The following NRXN3 variants were observed in gnomAD, a reference collection of about 807,000 sequenced individuals.
NRXN3 encodes neurexin 3.
Under a neutral mutation model 137.6 loss-of-function variants are expected in NRXN3, and 32 were observed. The ratio of observed to expected loss-of-function variants is 0.23; its 90% CI spans 0.18 to 0.31. The LOEUF is 0.31. Among genes scored for constraint, NRXN3 ranks in the 10% least tolerant of loss-of-function variants. The pLI, the probability that NRXN3 is intolerant of heterozygous loss-of-function variation, is 1.00. For missense variants in NRXN3, 1,574 were observed against 2,062.5 expected (o/e 0.76, Z 4.59); for synonymous variants, 798 against 784.5 (o/e 1.02, Z -0.29).
rs773225643 is a variant in NRXN3, at chr14:78,526,366, C to G, written c.758-118754C>G. 4.6e-5 allele frequency among the ~76,000 whole-genome samples: 7 copies of G among 152,326 alleles called. No homozygotes were observed. In the East Asian group the frequency reaches 1.2e-3, roughly 25 times the overall value. ...AAACTTCAAATCTGCAAAGATAGCACTATAGCCAGCAGGCCTGGCTTTCTC... is the reference window on the plus strand; with the variant it reads ...AAACTTCAAATCTGCAAAGATAGCAGTATAGCCAGCAGGCCTGGCTTTCTC... On this transcript the variant is annotated intron_variant, in intron 4 of 20. Coordinates refer to ENST00000335750, the MANE Select transcript of NRXN3 (RefSeq NM_001330195.2).
intron 16 of NRXN3, among the ~76,000 whole-genome samples, chr14:79,524,063 A>G (rs201297947): frequency 6.6e-6 from 1 of 152,212 alleles, no homozygotes. Flanking sequence ...TAATGAGAAC[A>G]TCCTTGACAA....
At chr14:79,355,253 C>T (rs958708809) in intron 15 of NRXN3, among the ~76,000 whole-genome samples, 3 of 149,374 alleles carry the variant, frequency 2.0e-5, no homozygotes, top group African/African-American at 7.7e-5. Context: ...TTTTCTGTCC[C>T]CCACCCCCTT....
intron 15 of NRXN3, among the ~76,000 whole-genome samples, chr14:79,339,697 C>G (rs1319936653): frequency 6.6e-6 from 1 of 152,128 alleles, no homozygotes; most frequent in Non-Finnish European, 1.5e-5. Flanking sequence ...TGATTATAGC[C>G]AAGGTCTTTG....
chr14:79,365,446 G>A (rs1441753021), intron 15 of NRXN3, among the ~76,000 whole-genome samples: 1 of 152,032 alleles, frequency 6.6e-6, no homozygotes, highest in Non-Finnish European at 1.5e-5. Context: ...TTGGCCGGGC[G>A]CGGTGGCTCA....
intron 16 of NRXN3, among the ~76,000 whole-genome samples, chr14:79,604,308 C>T (rs1489741045): frequency 6.6e-6 from 1 of 152,088 alleles, no homozygotes; most frequent in Non-Finnish European, 1.5e-5. Context: ...GATCTCAGCT[C>T]ACTACAAACT....
intron 1 of NRXN3, among the ~76,000 whole-genome samples, chr14:78,211,627 G>T (rs1595944613): frequency 6.6e-6 from 1 of 152,250 alleles, no homozygotes; most frequent in South Asian, 2.1e-4. Flanking sequence ...TAATTAAAGT[G>T]CAGAAACTTT....
intron 8 of NRXN3, among the ~76,000 whole-genome samples, chr14:78,764,279 C>T (rs750352945): frequency 2.0e-4 from 31 of 152,248 alleles, no homozygotes; most frequent in Non-Finnish European, 3.4e-4. Context: ...TGCATGTTGC[C>T]GGCAGAAGTA....
At position 79,861,759 on chromosome 14, in the gene NRXN3, C is replaced by G; in HGVS notation, c.4511C>G (p.Ala1504Gly). The G allele has an allele frequency of 6.2e-7, 1 of 1,614,078 alleles. No individual in the cohort carries two copies. Among genetic ancestry groups the G allele is most frequent in the Non-Finnish European group, 8.5e-7 (1 of 1,180,020 alleles). ...ACAGGGATGGTCGTCGGCATTGTGG[C>G]TGCTGCCGCCCTCTGCATCTTGATC... ...STTGMVVGIVAAAALCILILL... is the reference protein window; with the variant it reads ...STTGMVVGIVGAAALCILILL... The change falls in exon 21 of 21, where the codon GCT becomes GGT. Residue 1504 changes from alanine (A) to glycine (G), a missense_variant. Around this residue, in one of 5 missense-constraint regions of NRXN3, gnomAD observed 320 missense variants for 387.1 expected, o/e 0.83. Coordinates refer to ENST00000335750, the MANE Select transcript of NRXN3 (RefSeq NM_001330195.2). The surrounding 1 kb of genome is among the most constrained non-coding windows in gnomAD (Gnocchi z 5.4).
chr14:78,527,279 G>A (rs2096394419), intron 4 of NRXN3, among the ~76,000 whole-genome samples: 1 of 152,182 alleles, frequency 6.6e-6, no homozygotes, highest in Non-Finnish European at 1.5e-5. Context: ...CTGCTTCTGG[G>A]GAGGCCTTAA....
intron 4 of NRXN3, among the ~76,000 whole-genome samples, chr14:78,622,475 C>T (rs979883183): frequency 1.3e-5 from 2 of 152,202 alleles, no homozygotes; most frequent in African/African-American, 4.8e-5. Flanking sequence ...AGCCAAAGGA[C>T]ATGCGTTTGG....
intron 10 of NRXN3, among the ~76,000 whole-genome samples, chr14:78,896,887 A>G (rs556325682): frequency 6.6e-6 from 1 of 151,990 alleles, no homozygotes; most frequent in South Asian, 2.1e-4. Flanking sequence ...TAAATTGGGC[A>G]GAATTGGTGA....
rs2057574175 is a variant in NRXN3, at chr14:79,132,004, C to T, written c.3262+143863C>T. Among the ~76,000 whole-genome samples the T allele has an allele frequency of 2.6e-5, 4 of 152,284 alleles. No individual in the cohort carries two copies. In the South Asian group the frequency reaches 8.3e-4, roughly 31 times the overall value. On this transcript the variant is annotated intron_variant, in intron 15 of 20. Transcript: ENST00000335750. ...GGGAACTCCCTGACCCCTTGCGCTT[C>T]CCGAGTGAGGCAATGCCTCGCCCTG... is the stretch of plus-strand genomic sequence containing the variant.
intron 10 of NRXN3, among the ~76,000 whole-genome samples, chr14:78,951,125 TA>T (rs949485587): frequency 6.6e-6 from 1 of 152,224 alleles, no homozygotes; most frequent in African/African-American, 2.4e-5. Flanking sequence ...AGTTTTAGCC[TA>T]AATCATTTTC....
chr14:78,340,650 C>T (rs1197937189), intron 4 of NRXN3, among the ~76,000 whole-genome samples: 2 of 152,028 alleles, frequency 1.3e-5, no homozygotes, highest in Non-Finnish European at 2.9e-5. Flanking sequence ...AGAAAGATGG[C>T]CTGGGTTTCC....
At chr14:78,988,618 A>G (rs2099512070) in intron 15 of NRXN3, among the ~76,000 whole-genome samples, 1 of 152,206 alleles carries the variant, frequency 6.6e-6, no homozygotes, top group Non-Finnish European at 1.5e-5. Flanking sequence ...CTTACAAATG[A>G]CAAAGACATT....
intron 15 of NRXN3, among the ~76,000 whole-genome samples, chr14:79,156,028 C>T (rs1475970975): frequency 6.6e-6 from 1 of 151,780 alleles, no homozygotes; most frequent in Non-Finnish European, 1.5e-5. Flanking sequence ...TCCCTCACTT[C>T]TTCATTGAAG....
intron 15 of NRXN3, among the ~76,000 whole-genome samples, chr14:79,379,026 G>A (rs1411488936): frequency 6.6e-6 from 1 of 152,108 alleles, no homozygotes. Context: ...CACTGTGGAC[G>A]ATAGATAGCC....
chr14:78,881,188 A>G (rs2152647213), intron 10 of NRXN3, among the ~76,000 whole-genome samples: 1 of 151,798 alleles, frequency 6.6e-6, no homozygotes, highest in South Asian at 2.1e-4. Context: ...CTCTTGCTTT[A>G]TAAATTACCC....
At chr14:78,271,535 C>A (rs2072747884) in intron 2 of NRXN3, among the ~76,000 whole-genome samples, 1 of 151,600 alleles carries the variant, frequency 6.6e-6, no homozygotes, top group Admixed American at 6.6e-5. Flanking sequence ...TCTGTAACAA[C>A]CAGATTGCCT....
Sources: gnomAD v4.1 joint callset for allele counts (sites outside exome capture counted in the v4.1 genomes callset) on GRCh38, gnomAD v4.1.1 for gene constraint, gnomAD v4.1.1 regional missense constraint, Gnocchi (gnomAD v3.1) non-coding constraint, MANE v1.5 for transcripts, NCBI Gene and HGNC (gene_info 2026-07-23, HGNC 2026-07-21) for gene names.